SLC12A2: variants seen among roughly 807,000 people sequenced by gnomAD.
SLC12A2 encodes Na-K-2Cl cotransporter 1.
Under a neutral mutation model 136.3 loss-of-function variants are expected in SLC12A2, and 67 were observed. The ratio of observed to expected loss-of-function variants is 0.49; its 90% CI spans 0.40 to 0.60. SLC12A2 has a LOEUF of 0.60. SLC12A2 is among the 20% of genes least tolerant of loss of function. The pLI, the probability that SLC12A2 is intolerant of heterozygous loss-of-function variation, is 0.00. For synonymous variants in SLC12A2, 619 were observed against 562.9 expected (o/e 1.10, Z -1.41); for missense variants, 1,322 against 1,534.7 (o/e 0.86, Z 2.32).
chr5:128,092,847 G>A (rs1760386956), intron 1 of SLC12A2, among the ~76,000 whole-genome samples: 1 of 151,960 alleles, frequency 6.6e-6, no homozygotes. Context: ...TTTTCTTCTT[G>A]GATATTTAAC....
intron 1 of SLC12A2, among the ~76,000 whole-genome samples, chr5:128,111,229 T>C (rs1204751962): frequency 6.6e-6 from 1 of 152,202 alleles, no homozygotes; most frequent in Admixed American, 6.5e-5. Context: ...TGCATCTGGC[T>C]TATACTTCTA....
At chr5:128,186,257 G>A (rs1057268625) in intron 26 of SLC12A2, among the ~76,000 whole-genome samples, 8 of 152,220 alleles carry the variant, frequency 5.3e-5, no homozygotes, top group African/African-American at 1.9e-4. Flanking sequence ...CTCCTGTGAT[G>A]TTTTCACGAG....
chr5:128,145,624 A>C (rs1762509328), intron 10 of SLC12A2, among the ~76,000 whole-genome samples: 1 of 152,108 alleles, frequency 6.6e-6, no homozygotes, highest in Admixed American at 6.6e-5. Flanking sequence ...ACTGTCTTTA[A>C]AACACTTCAG....
rs1299741252 is a variant in SLC12A2, at chr5:128,084,790, G to C, written c.756+80G>C. Reference sequence around the variant, plus strand: ...GGATGTGGCTGCAGACTCTTCCCGAGTTGAGGTGGCGGGAGTAGTAGACGT... The same window carrying C: ...GGATGTGGCTGCAGACTCTTCCCGACTTGAGGTGGCGGGAGTAGTAGACGT... On this transcript the variant is annotated intron_variant, in intron 1 of 26. Coordinates refer to ENST00000262461, the MANE Select transcript of SLC12A2 (RefSeq NM_001046.3). This position sits in a 1 kb window ranked among gnomAD's most constrained non-coding sequence, Gnocchi z 5.6. The C allele has an allele frequency of 1.4e-6, 2 of 1,428,740 alleles. No homozygotes were observed. Among genetic ancestry groups the C allele is most frequent in the African/African-American group, 2.9e-5 (2 of 69,960 alleles). 88.5% of individuals were successfully genotyped at this position (1,428,740 alleles called of 1,614,324 possible). A position where few individuals can be genotyped will look rare whatever the true frequency, so the allele number is the denominator to read the frequency against.
rs186245962 is a variant in SLC12A2, at chr5:128,130,589, C to T, written c.1049-478C>T. ...CTCAGCTGCTCAGGAGGCTGAGGCA[C>T]GAGAATTGCTTGAACCCAGGAGGCA... On this transcript the variant is annotated intron_variant, in intron 4 of 26. Coordinates refer to ENST00000262461, the MANE Select transcript of SLC12A2 (RefSeq NM_001046.3). Among the ~76,000 whole-genome samples the T allele has an allele frequency of 1.9e-3, 283 of 148,982 alleles. 2 individuals are homozygous for T. Among genetic ancestry groups the T allele is most frequent in the Non-Finnish European group, 3.3e-3 (223 of 67,570 alleles).
chr5:128,084,514 C>CCGT lies in SLC12A2; in HGVS notation c.562_563insTCG (p.Ser187_Gly188insVal), dbSNP rs1759999476. On this transcript the variant is annotated inframe_insertion, in exon 1 of 27. Coordinates refer to ENST00000262461, the MANE Select transcript of SLC12A2 (RefSeq NM_001046.3). This position sits in a 1 kb window ranked among gnomAD's most constrained non-coding sequence, Gnocchi z 5.6. Reference sequence around the variant, plus strand: ...CTGAGCGAGGGCAGCAGCCTGCACTCCGGCGGCGGCGGCGGCAGTGGGCAC... The same window carrying CCGT: ...CTGAGCGAGGGCAGCAGCCTGCACTCCGTCGGCGGCGGCGGCGGCAGTGGGCAC... The CCGT allele has an allele frequency of 1.9e-6, 3 of 1,607,546 alleles. No individual in the cohort carries two copies. The South Asian group carries it at 3.3e-5, about 18-fold the overall frequency.
intron 10 of SLC12A2, 139 bp downstream of exon 10, chr5:128,142,120 T>G (rs903753674): frequency 2.7e-6 from 2 of 736,920 alleles, no homozygotes; most frequent in Admixed American, 6.3e-5. Flanking sequence ...AATTTTTTCT[T>G]GAGATAGAGT....
chr5:128,142,964 CT>C (rs1237360917), intron 10 of SLC12A2, among the ~76,000 whole-genome samples: 2 of 152,190 alleles, frequency 1.3e-5, no homozygotes, highest in South Asian at 2.1e-4. Flanking sequence ...TTTGGTGCCC[CT>C]ATCACCCAAG....
chr5:128,090,248 G>C (rs1472837025), intron 1 of SLC12A2, among the ~76,000 whole-genome samples: 4 of 152,014 alleles, frequency 2.6e-5, no homozygotes, highest in Admixed American at 2.6e-4. Context: ...AAGAAATTTT[G>C]GGATTTAAAA....
rs1010034414 is a variant in SLC12A2, at chr5:128,092,654, C to CT, written c.756+7952dup. The stretch of plus-strand genomic sequence containing the variant: ...CATTTATAATGAGATATCTCAATTT[C>CT]TTTTTTTTGTACAAAGTTTGAAACC... On this transcript the variant is annotated intron_variant, in intron 1 of 26. Coordinates refer to ENST00000262461, the MANE Select transcript of SLC12A2 (RefSeq NM_001046.3). 3.3e-5 allele frequency among the ~76,000 whole-genome samples: 5 copies of CT among 151,838 alleles called. No individual in the cohort carries two copies. The South Asian group carries it at 8.3e-4, about 25-fold the overall frequency.
intron 22 of SLC12A2, among the ~76,000 whole-genome samples, chr5:128,180,062 C>T (rs1006253648): frequency 5.4e-5 from 8 of 147,432 alleles, no homozygotes; most frequent in South Asian, 2.2e-4. Flanking sequence ...CTCCGCCTCC[C>T]GGGTTCACAC....
At chr5:128,128,897 G>T (rs937453789) in intron 4 of SLC12A2, among the ~76,000 whole-genome samples, 28 of 151,472 alleles carry the variant, frequency 1.8e-4, no homozygotes, top group African/African-American at 5.8e-4. Flanking sequence ...AATAGATGAT[G>T]TGCAGTTGTT....
At chr5:128,172,987 A>T (rs1253501895) in intron 19 of SLC12A2, among the ~76,000 whole-genome samples, 3 of 151,946 alleles carry the variant, frequency 2.0e-5, no homozygotes, top group Admixed American at 1.3e-4. Flanking sequence ...CAAAAAAAAA[A>T]CAACTGTGAA....
At chr5:128,162,862 G>A (rs1432264950) in intron 17 of SLC12A2, among the ~76,000 whole-genome samples, 1 of 152,188 alleles carries the variant, frequency 6.6e-6, no homozygotes, top group African/African-American at 2.4e-5. Flanking sequence ...CCAACCCGTG[G>A]ACTACATATG....
At chr5:128,151,630 C>T (rs1429616509) in intron 14 of SLC12A2, among the ~76,000 whole-genome samples, 5 of 151,408 alleles carry the variant, frequency 3.3e-5, no homozygotes, top group African/African-American at 1.2e-4. Flanking sequence ...TTTCCATTCT[C>T]ACTCATAAAT....
chr5:128,090,867 G>A (rs1450444684), intron 1 of SLC12A2, among the ~76,000 whole-genome samples: 1 of 152,174 alleles, frequency 6.6e-6, no homozygotes, highest in African/African-American at 2.4e-5. Context: ...AAGTCAGGGG[G>A]TAGTGAGGAC....
At chr5:128,098,547 C>T (rs1760628604) in intron 1 of SLC12A2, among the ~76,000 whole-genome samples, 1 of 150,822 alleles carries the variant, frequency 6.6e-6, no homozygotes, top group Non-Finnish European at 1.5e-5. Context: ...GGATGTCTAG[C>T]AGTTTTTTAT....
rs199811409 is a variant in SLC12A2, at chr5:128,088,787, A to C, written c.756+4077A>C. Among the ~76,000 whole-genome samples, 4 of 152,254 alleles carry C rather than the reference A, an allele frequency of 2.6e-5. No individual in the cohort carries two copies. In the East Asian group the frequency reaches 7.7e-4, roughly 29 times the overall value. On this transcript the variant is annotated intron_variant, in intron 1 of 26. Coordinates refer to ENST00000262461, the MANE Select transcript of SLC12A2 (RefSeq NM_001046.3). ...CAAGGGAGCAACTATATTGTCTTTC[A>C]TGTGTCACTTTGCTTGTTGGATTTT...
At chr5:128,176,565 A>C (rs1763548709) in intron 20 of SLC12A2, among the ~76,000 whole-genome samples, 1 of 152,002 alleles carries the variant, frequency 6.6e-6, no homozygotes, top group South Asian at 2.1e-4. Flanking sequence ...TATGTGAGAA[A>C]AATCACTCCT....
Sources: gnomAD v4.1 joint callset for allele counts (sites outside exome capture counted in the v4.1 genomes callset) on GRCh38, gnomAD v4.1.1 for gene constraint, Gnocchi (gnomAD v3.1) non-coding constraint, MANE v1.5 for transcripts, NCBI Gene and HGNC (gene_info 2026-07-23, HGNC 2026-07-21) for gene names.